CLMP: variants seen among roughly 807,000 people sequenced by gnomAD.
CLMP encodes CXADR-like membrane protein.
A neutral mutation model predicts 45.2 loss-of-function variants in CLMP; 27 were observed. The ratio of observed to expected loss-of-function variants is 0.60; its 90% CI spans 0.44 to 0.82. The LOEUF (loss-of-function observed/expected upper bound fraction) is 0.82, where lower values mean the gene tolerates loss of function less well. Ranked by LOEUF, CLMP falls within the 40% of genes least tolerant of loss-of-function variation. The pLI is 0.00. For missense variants in CLMP, 403 were observed against 448.4 expected, an observed-to-expected ratio of 0.90 and a Z score of 0.91; for synonymous variants, 167 against 171.4, an observed-to-expected ratio of 0.97 and a Z score of 0.20.
chr11:123,187,075 C>T (rs553804274), intron 1 of CLMP, among the ~76,000 whole-genome samples: 273 of 152,280 alleles, frequency 1.8e-3, no homozygotes, highest in South Asian at 5.6e-3. Context: ...AAAACTCTTA[C>T]GCATCACCTC....
At chr11:123,153,151 C>T (rs112873339) in intron 1 of CLMP, among the ~76,000 whole-genome samples, 2 of 152,144 alleles carry the variant, frequency 1.3e-5, no homozygotes, top group Admixed American at 1.3e-4. Flanking sequence ...CGATGGAACT[C>T]CCAAGGTTTC....
chr11:123,142,280 C>T (rs543607228), intron 1 of CLMP, among the ~76,000 whole-genome samples: 8 of 152,270 alleles, frequency 5.3e-5, no homozygotes, highest in African/African-American at 1.9e-4. Flanking sequence ...GTCACTGCGC[C>T]TGGCTGATCT....
chr11:123,089,386 A>G (rs375072173), intron 2 of CLMP, among the ~76,000 whole-genome samples: 2 of 152,168 alleles, frequency 1.3e-5, no homozygotes, highest in East Asian at 3.9e-4. Flanking sequence ...ATTTTTCTTC[A>G]TGACACAGCA....
chr11:123,185,756 T>G (rs1322464481), intron 1 of CLMP, among the ~76,000 whole-genome samples: 5 of 152,200 alleles, frequency 3.3e-5, no homozygotes. Context: ...GGACACCAGT[T>G]TAGCCCTCTT....
chr11:123,074,428 C>A (rs989267061), intron 6 of CLMP, among the ~76,000 whole-genome samples: 2 of 152,052 alleles, frequency 1.3e-5, no homozygotes, highest in Non-Finnish European at 2.9e-5. Flanking sequence ...GTAATCCTCC[C>A]GCCTCGGCCT....
intron 1 of CLMP, among the ~76,000 whole-genome samples, chr11:123,163,040 G>A (rs969329926): frequency 1.3e-5 from 2 of 152,150 alleles, no homozygotes; most frequent in African/African-American, 4.8e-5. Flanking sequence ...CCTTGAAGAA[G>A]GGAGAGGGTT....
intron 1 of CLMP, among the ~76,000 whole-genome samples, chr11:123,148,862 CTG>C (rs1408273535): frequency 1.3e-5 from 2 of 152,224 alleles, no homozygotes; most frequent in African/African-American, 4.8e-5. Flanking sequence ...TCCATAAAGA[CTG>C]AGGTCTAGGG....
chr11:123,120,033 G>A (rs1860791798), intron 1 of CLMP, among the ~76,000 whole-genome samples: 1 of 152,034 alleles, frequency 6.6e-6, no homozygotes, highest in South Asian at 2.1e-4. Flanking sequence ...TACTATGATG[G>A]GTTTTGGTAT....
chr11:123,092,946 C>G (rs377180062), intron 2 of CLMP, among the ~76,000 whole-genome samples: 1 of 140,640 alleles, frequency 7.1e-6, no homozygotes, highest in East Asian at 2.1e-4. Context: ...CTCATGCTGT[C>G]GCCCAGGCTG....
chr11:123,160,193 T>A (rs541063386), intron 1 of CLMP, among the ~76,000 whole-genome samples: 1 of 133,550 alleles, frequency 7.5e-6, no homozygotes, highest in South Asian at 2.4e-4. Flanking sequence ...AGCAGGAGAA[T>A]CACTTGAACC....
intron 1 of CLMP, among the ~76,000 whole-genome samples, chr11:123,186,946 G>C (rs946438317): frequency 6.6e-6 from 1 of 152,130 alleles, no homozygotes; most frequent in African/African-American, 2.4e-5. Flanking sequence ...TGGCCTGGTG[G>C]TCGCTGACTT....
Position 123,083,047 on chromosome 11 carries a change from A to C in CLMP, c.679+38T>G, listed in dbSNP as rs764838583. On this transcript the variant is annotated intron_variant, in intron 5 of 6. Coordinates refer to ENST00000448775, the MANE Select transcript of CLMP (RefSeq NM_024769.5). ...AACATTGATCTACAATGCAAAAACA[A>C]ACAGAAAAATGAAACTAAAACCTCT... 5 of 1,610,790 alleles carry C rather than the reference A, an allele frequency of 3.1e-6. No homozygotes were observed. In the South Asian group the frequency reaches 5.5e-5, roughly 18 times the overall value.
chr11:123,134,518 C>T (rs372177234), intron 1 of CLMP, among the ~76,000 whole-genome samples: 12 of 150,682 alleles, frequency 8.0e-5, no homozygotes, highest in African/African-American at 1.5e-4. Flanking sequence ...TTCAAATTTG[C>T]ACTCTAGACT....
At chr11:123,132,352 T>C (rs1861003061) in intron 1 of CLMP, among the ~76,000 whole-genome samples, 1 of 152,234 alleles carries the variant, frequency 6.6e-6, no homozygotes. Flanking sequence ...CACATGGAGA[T>C]GGCTGTTTCC....
rs774009190 is a variant in CLMP, at chr11:123,073,451, G to A, written c.*23C>T. 62 of 1,581,290 alleles carry A rather than the reference G, an allele frequency of 3.9e-5. No homozygotes were observed. In the African/African-American group the frequency reaches 4.5e-4, roughly 11 times the overall value. ...CAAAGACCCTGACTCCTAGGAAAGC[G>A]TGGGAGTCAAGTCCATTGTAATTCA... is the stretch of plus-strand genomic sequence containing the variant. On this transcript the variant is annotated 3_prime_UTR_variant, in exon 7 of 7. Transcript: ENST00000448775.
chr11:123,088,651 G>A (rs1193653582), intron 2 of CLMP, among the ~76,000 whole-genome samples: 1 of 152,076 alleles, frequency 6.6e-6, no homozygotes. Flanking sequence ...TTGAGATGGA[G>A]TTTCACTCTT....
At position 123,074,798 on chromosome 11, in the gene CLMP, A is replaced by T; in HGVS notation, c.725T>A (p.Val242Glu). 4.3e-6 allele frequency: 7 copies of T among 1,614,170 alleles called. No homozygotes were observed. The highest frequency in any genetic ancestry group is 5.9e-6 in the Non-Finnish European group (7 of 1,180,022). ...GMVAGAVTGIVAGALLIFLLV... is the reference protein window; with the variant it reads ...GMVAGAVTGIEAGALLIFLLV... ...GAGGAAAATCAGCAGGGCTCCAGCC[A>T]CTATGCCTGTCACTGCTCCTGCAAC... is the stretch of plus-strand genomic sequence containing the variant. Residue 242 changes from valine (V) to glutamate (E), a missense_variant, in exon 6 of 7, where the codon GTG (valine) becomes GAG (glutamate). Coordinates refer to ENST00000448775, the MANE Select transcript of CLMP (RefSeq NM_024769.5).
chr11:123,160,694 G>A (rs563627140), intron 1 of CLMP, among the ~76,000 whole-genome samples: 1 of 152,072 alleles, frequency 6.6e-6, no homozygotes, highest in South Asian at 2.1e-4. Context: ...AGTTGACAAG[G>A]GGGAGGGGTG....
intron 1 of CLMP, among the ~76,000 whole-genome samples, chr11:123,166,206 G>A (rs1284812736): frequency 6.6e-6 from 1 of 152,194 alleles, no homozygotes; most frequent in Admixed American, 6.5e-5. Context: ...AAGTTCTGGG[G>A]CACTGGTAGT....
Sources: gnomAD v4.1 joint callset for allele counts (sites outside exome capture counted in the v4.1 genomes callset) on GRCh38, gnomAD v4.1.1 for gene constraint, MANE v1.5 for transcripts, NCBI Gene and HGNC (gene_info 2026-07-23, HGNC 2026-07-21) for gene names.